ZMAT4: variants seen among roughly 807,000 people sequenced by gnomAD.
ZMAT4 encodes the protein zinc finger matrin-type protein 4.
A neutral mutation model predicts 28.7 loss-of-function variants in ZMAT4; 17 were observed. The ratio of observed to expected loss-of-function variants is 0.59; its 90% CI spans 0.41 to 0.89. The LOEUF is 0.89. Among genes scored for constraint, ZMAT4 ranks in the 40% least tolerant of loss-of-function variants. The pLI is 0.00. For missense variants in ZMAT4, 240 were observed against 283.8 expected, an observed-to-expected ratio of 0.85 and a Z score of 1.11; for synonymous variants, 117 against 109.2, an observed-to-expected ratio of 1.07 and a Z score of -0.44.
chr8:40,614,981 G>C lies in ZMAT4; in HGVS notation c.578-33720C>G, dbSNP rs189621031. ...GATCCTGTCATTATGATGTTAGACG[G>C]TTATTTTGCTCTTTAGTTGATGCAG... is the stretch of plus-strand genomic sequence containing the variant. On this transcript the variant is annotated intron_variant, in intron 5 of 6. Transcript: ENST00000297737. Among the ~76,000 whole-genome samples the C allele has an allele frequency of 1.9e-3, 294 of 152,280 alleles. 1 individual carries two copies. Among genetic ancestry groups the C allele is most frequent in the African/African-American group, 6.7e-3 (279 of 41,546 alleles).
chr8:40,808,166 C>A (rs1815167463), intron 2 of ZMAT4, among the ~76,000 whole-genome samples: 1 of 152,078 alleles, frequency 6.6e-6, no homozygotes, highest in East Asian at 1.9e-4. Context: ...AGACACGAGG[C>A]AATAACAGCC....
intron 2 of ZMAT4, among the ~76,000 whole-genome samples, chr8:40,793,923 A>G (rs1814471151): frequency 6.6e-6 from 1 of 152,128 alleles, no homozygotes; most frequent in African/African-American, 2.4e-5. Flanking sequence ...TACACTCCTC[A>G]AGGACATATG....
At chr8:40,615,495 C>T (rs1202942941) in intron 5 of ZMAT4, among the ~76,000 whole-genome samples, 2 of 152,194 alleles carry the variant, frequency 1.3e-5, no homozygotes, top group Non-Finnish European at 2.9e-5. Context: ...TAGGGAAGTT[C>T]TCCTGGATGA....
chr8:40,736,672 G>A (rs1811774968), intron 3 of ZMAT4, among the ~76,000 whole-genome samples: 1 of 152,162 alleles, frequency 6.6e-6, no homozygotes, highest in Non-Finnish European at 1.5e-5. Flanking sequence ...CAAGAATAAG[G>A]AGTGATTGGA....
intron 3 of ZMAT4, among the ~76,000 whole-genome samples, chr8:40,716,342 C>T (rs1214589501): frequency 6.6e-6 from 1 of 152,140 alleles, no homozygotes; most frequent in Non-Finnish European, 1.5e-5. Context: ...CTAAAGAATG[C>T]CACAAATCCA....
At chr8:40,891,784 G>A (rs773083787) in intron 1 of ZMAT4, among the ~76,000 whole-genome samples, 20 of 152,278 alleles carry the variant, frequency 1.3e-4, no homozygotes, top group East Asian at 5.8e-4. Flanking sequence ...TGGAAGGGTC[G>A]CGCCTCCCCA....
chr8:40,584,347 C>T (rs1457594963), intron 5 of ZMAT4, among the ~76,000 whole-genome samples: 1 of 152,110 alleles, frequency 6.6e-6, no homozygotes, highest in Non-Finnish European at 1.5e-5. Flanking sequence ...AGAGAGAAGC[C>T]TCCCACACCC....
chr8:40,777,279 T>C (rs1401682332), intron 2 of ZMAT4, among the ~76,000 whole-genome samples: 1 of 152,170 alleles, frequency 6.6e-6, no homozygotes, highest in Non-Finnish European at 1.5e-5. Context: ...TTTGGGAAGG[T>C]TGCCGTGCAG....
intron 3 of ZMAT4, among the ~76,000 whole-genome samples, chr8:40,714,854 T>G (rs1477779382): frequency 6.6e-6 from 1 of 151,904 alleles, no homozygotes; most frequent in Non-Finnish European, 1.5e-5. Context: ...ATTGAGACCA[T>G]CCTGGCCAAC....
At chr8:40,623,582 G>A (rs1174113597) in intron 5 of ZMAT4, among the ~76,000 whole-genome samples, 1 of 152,148 alleles carries the variant, frequency 6.6e-6, no homozygotes, top group African/African-American at 2.4e-5. Flanking sequence ...GTGATCTCTA[G>A]CCTGTGAACC....
At chr8:40,594,376 T>A (rs2118590539) in intron 5 of ZMAT4, among the ~76,000 whole-genome samples, 1 of 152,296 alleles carries the variant, frequency 6.6e-6, no homozygotes, top group African/African-American at 2.4e-5. Flanking sequence ...TAGAAATGAC[T>A]CTAACTCAAA....
At chr8:40,635,516 T>C (rs1358828926) in intron 5 of ZMAT4, among the ~76,000 whole-genome samples, 2 of 152,192 alleles carry the variant, frequency 1.3e-5, no homozygotes, top group African/African-American at 4.8e-5. Flanking sequence ...ACCTCAGGCA[T>C]ACTTCTGTTC....
intron 3 of ZMAT4, among the ~76,000 whole-genome samples, chr8:40,756,043 A>AC (rs1812664107): frequency 6.6e-6 from 1 of 152,100 alleles, no homozygotes; most frequent in African/African-American, 2.4e-5. Context: ...GACCCAAATG[A>AC]AGGGAACCCA....
chr8:40,556,404 C>T (rs1280083103), intron 6 of ZMAT4, among the ~76,000 whole-genome samples: 1 of 152,108 alleles, frequency 6.6e-6, no homozygotes, highest in Non-Finnish European at 1.5e-5. Flanking sequence ...GTGATACCTC[C>T]ATCATCAATC....
chr8:40,629,189 G>T (rs2589875), intron 5 of ZMAT4, among the ~76,000 whole-genome samples: 85,229 of 151,244 alleles, frequency 0.56, 25,155 homozygotes, highest in East Asian at 0.69. Flanking sequence ...TCCCTTACAT[G>T]TATTTAGTGA....
At chr8:40,795,515 T>C (rs183440370) in intron 2 of ZMAT4, among the ~76,000 whole-genome samples, 91 of 152,322 alleles carry the variant, frequency 6.0e-4, no homozygotes, top group Non-Finnish European at 2.4e-4. Context: ...GTCCCTAGGC[T>C]GAGAGGAGAA....
chr8:40,718,455 A>G (rs541822065), intron 3 of ZMAT4, among the ~76,000 whole-genome samples: 3 of 152,324 alleles, frequency 2.0e-5, no homozygotes, highest in South Asian at 2.1e-4. Context: ...CCTTATAACA[A>G]TACTTGCAGG....
intron 5 of ZMAT4, among the ~76,000 whole-genome samples, chr8:40,617,473 A>G (rs7815402): frequency 0.041 from 6,272 of 152,294 alleles, 419 homozygotes; most frequent in African/African-American, 0.14. Flanking sequence ...TTTTAGTAGC[A>G]GAGGCAGCTT....
chr8:40,890,742 C>T (rs942238549), intron 1 of ZMAT4, among the ~76,000 whole-genome samples: 5 of 152,176 alleles, frequency 3.3e-5, no homozygotes, highest in African/African-American at 1.2e-4. Context: ...AACCCTACCT[C>T]CCCTTGCCCC....
Sources: allele counts gnomAD v4.1 joint callset (sites outside exome capture counted in the v4.1 genomes callset), GRCh38; gene constraint gnomAD v4.1.1; transcripts MANE v1.5; gene names NCBI Gene and HGNC (gene_info 2026-07-23, HGNC 2026-07-21).